RAP1A: variants seen among roughly 807,000 people sequenced by gnomAD.
RAP1A encodes RAP1A, member of RAS oncogene family.
In RAP1A, 6 loss-of-function variants were observed where a neutral mutation model predicts 26.4. The ratio of observed to expected loss-of-function variants is 0.23; its 90% CI spans 0.12 to 0.45. RAP1A has a LOEUF of 0.45. RAP1A is among the 20% of genes least tolerant of loss of function. The pLI is 0.99. For synonymous variants in RAP1A, 73 were observed against 79.4 expected (o/e 0.92, Z 0.43); for missense variants, 121 against 217.2 (o/e 0.56, Z 2.78).
chr1:111,542,375 A>AGGTGGTAGAGCAGGAAGCTGCCTGAG (rs1656867399), exon 1 of RAP1A: 1 of 249,158 alleles, frequency 4.0e-6, no homozygotes, highest in African/African-American at 2.3e-5. Flanking sequence ...GCCAGCTGAG[A>AGGTGGTAGAGCAGGAAGCTGCCTGAG]GGTGGTAGAG....
chr1:111,571,974 C>A (rs1011377264), intron 1 of RAP1A, among the ~76,000 whole-genome samples: 21 of 152,080 alleles, frequency 1.4e-4, no homozygotes, highest in African/African-American at 5.1e-4. Flanking sequence ...TCCTTGTGAG[C>A]TAACAGAATG....
intron 1 of RAP1A, among the ~76,000 whole-genome samples, chr1:111,665,335 G>A (rs968202098): frequency 5.3e-5 from 8 of 152,120 alleles, no homozygotes; most frequent in African/African-American, 1.9e-4. Context: ...ATGTGGCAGT[G>A]CTGTTAAGGG....
intron 1 of RAP1A, among the ~76,000 whole-genome samples, chr1:111,582,589 G>A (rs1658278855): frequency 6.6e-6 from 1 of 152,168 alleles, no homozygotes; most frequent in South Asian, 2.1e-4. Flanking sequence ...GGATTAATTT[G>A]GGAATATTTA....
At chr1:111,573,903 C>T (rs1207312217) in intron 1 of RAP1A, among the ~76,000 whole-genome samples, 1 of 151,912 alleles carries the variant, frequency 6.6e-6, no homozygotes, top group Non-Finnish European at 1.5e-5. Flanking sequence ...CCATTCTATA[C>T]TTTGTCTGTT....
In RAP1A at chr1:111,649,358, C is replaced by CCAGCCCCTCGGCCATCCCTG. The variant is rs1190983745; in HGVS notation, c.-28+29430_-28+29449dup. On this transcript the variant is annotated intron_variant, in intron 1 of 7. Coordinates refer to ENST00000369709, the MANE Select transcript of RAP1A (RefSeq NM_002884.4). The stretch of plus-strand genomic sequence containing the variant: ...TCATTCTGGATGCCTCCCATTCCTG[C>CCAGCCCCTCGGCCATCCCTG]CAGCCCCTCGGCCATCCCTGCAGCC... 69 of 387,264 alleles carry CCAGCCCCTCGGCCATCCCTG rather than the reference C, an allele frequency of 1.8e-4. 5 individuals carry two copies. Among genetic ancestry groups the CCAGCCCCTCGGCCATCCCTG allele is most frequent in the South Asian group, 1.5e-3 (67 of 44,988 alleles). 24.0% of individuals were successfully genotyped at this position (387,264 alleles called of 1,614,324 possible).
intron 7 of RAP1A, among the ~76,000 whole-genome samples, chr1:111,711,385 A>G (rs909474951): frequency 3.9e-5 from 6 of 152,186 alleles, no homozygotes; most frequent in African/African-American, 1.4e-4. Flanking sequence ...AAAAGGTGCC[A>G]TCTCCTGGCC....
intron 1 of RAP1A, among the ~76,000 whole-genome samples, chr1:111,580,834 A>C (rs185868516): frequency 1.3e-5 from 2 of 149,700 alleles, no homozygotes; most frequent in South Asian, 2.2e-4. Context: ...GCGGCAGAGC[A>C]AGACTGTCTC....
chr1:111,648,542 T>C, intron 1 of RAP1A: 1 of 558,702 alleles, frequency 1.8e-6, no homozygotes, highest in South Asian at 1.6e-5. Context: ...GTGCCAGCTC[T>C]GACTGCAGTT....
At position 111,555,362 on chromosome 1, in the gene RAP1A, T is replaced by TAAAAA. The variant is rs397981230; in HGVS notation, c.-28+12878_-28+12882dup. Among the ~76,000 whole-genome samples, 109 of 47,628 alleles carry TAAAAA rather than the reference T, an allele frequency of 2.3e-3. 7 individuals are homozygous for TAAAAA. The East Asian group carries it at 0.025, about 11-fold the overall frequency. The allele number at this position is 47,628 out of a possible 152,430, so 31.2% of individuals were successfully genotyped here. A position where few individuals can be genotyped will look rare whatever the true frequency, so the allele number is the denominator to read the frequency against. On this transcript the variant is annotated intron_variant, in intron 1 of 7. Coordinates refer to the RAP1A transcript ENST00000356415. ...GCCTGGGTGACAGACTGAGACTCTG[T>TAAAAA]AAAAAAAAAAAAAAAAAAAAAAAAA...
intron 1 of RAP1A, among the ~76,000 whole-genome samples, chr1:111,553,000 A>G (rs1024708941): frequency 9.2e-5 from 14 of 152,258 alleles, no homozygotes; most frequent in African/African-American, 3.1e-4. Context: ...GACTGACAAC[A>G]GGTAAGAGCT....
intron 1 of RAP1A, among the ~76,000 whole-genome samples, chr1:111,565,004 GGGGTCTAT>G (rs1198303199): frequency 6.6e-6 from 1 of 152,152 alleles, no homozygotes; most frequent in Non-Finnish European, 1.5e-5. Context: ...CTGGTGGAAT[GGGGTCTAT>G]GTTGGAAAGA....
At chr1:111,579,789 C>CATTCATTT (rs1041420404) in intron 1 of RAP1A, among the ~76,000 whole-genome samples, 115 of 148,178 alleles carry the variant, frequency 7.8e-4, no homozygotes, top group African/African-American at 2.7e-3. Context: ...TGAATATCTC[C>CATTCATTT]ATTTATTTAT....
chr1:111,609,782 C>T (rs1359792466), intron 1 of RAP1A, among the ~76,000 whole-genome samples: 3 of 152,052 alleles, frequency 2.0e-5, no homozygotes, highest in East Asian at 1.9e-4. Context: ...ATTACAGGCA[C>T]GCACCACCAT....
intron 1 of RAP1A, among the ~76,000 whole-genome samples, chr1:111,679,140 G>C (rs570480643): frequency 6.6e-6 from 1 of 152,214 alleles, no homozygotes; most frequent in East Asian, 1.9e-4. Flanking sequence ...AGCTCCCAGA[G>C]AGACCAACGC....
intron 1 of RAP1A, among the ~76,000 whole-genome samples, chr1:111,575,808 C>G (rs1658136632): frequency 1.3e-5 from 2 of 152,284 alleles, no homozygotes; most frequent in Non-Finnish European, 2.9e-5. Context: ...TTAAACCACT[C>G]AGCCTGGGGC....
At chr1:111,576,439 G>T (rs1243720111) in intron 1 of RAP1A, among the ~76,000 whole-genome samples, 2 of 152,172 alleles carry the variant, frequency 1.3e-5, no homozygotes, top group South Asian at 4.1e-4. Context: ...AAGTGCTCAG[G>T]CAGGTAAAGT....
chr1:111,596,241 A>T (rs1658561966), intron 1 of RAP1A, among the ~76,000 whole-genome samples: 1 of 152,138 alleles, frequency 6.6e-6, no homozygotes, highest in African/African-American at 2.4e-5. Context: ...TAAAAAAAAA[A>T]TGACCACTGG....
chr1:111,660,831 T>G (rs1660611783), intron 1 of RAP1A, among the ~76,000 whole-genome samples: 1 of 152,220 alleles, frequency 6.6e-6, no homozygotes, highest in Non-Finnish European at 1.5e-5. Context: ...CCAATTATAG[T>G]GCCCTACTTG....
intron 1 of RAP1A, among the ~76,000 whole-genome samples, chr1:111,574,141 T>TTTC (rs1300676655): frequency 6.6e-6 from 1 of 152,210 alleles, no homozygotes; most frequent in Non-Finnish European, 1.5e-5. Context: ...GTATATAGTG[T>TTTC]AAAGAAGGGG....
Sources: allele counts gnomAD v4.1 joint callset (sites outside exome capture counted in the v4.1 genomes callset), GRCh38; gene constraint gnomAD v4.1.1; transcripts MANE v1.5; gene names NCBI Gene and HGNC (gene_info 2026-07-23, HGNC 2026-07-21).